CADM1: variants seen among roughly 807,000 people sequenced by gnomAD.
CADM1 encodes cell adhesion molecule 1.
A neutral mutation model predicts 53.1 loss-of-function variants in CADM1; 15 were observed. The ratio of observed to expected loss-of-function variants is 0.28; its 90% CI spans 0.19 to 0.44. The LOEUF is 0.44. Among genes scored for constraint, CADM1 ranks in the 20% least tolerant of loss-of-function variants. CADM1 has a pLI of 1.00. For missense variants in CADM1, 434 were observed against 611.3 expected (o/e 0.71, Z 3.06); for synonymous variants, 281 against 243.0 (o/e 1.16, Z -1.45).
At chr11:115,308,756 T>C (rs1053842251) in intron 1 of CADM1, among the ~76,000 whole-genome samples, 3 of 150,450 alleles carry the variant, frequency 2.0e-5, no homozygotes, top group African/African-American at 7.3e-5. Flanking sequence ...TTCCTTTCCT[T>C]TCCCTCTTTC....
chr11:115,355,580 A>G (rs1945845473), intron 1 of CADM1, among the ~76,000 whole-genome samples: 1 of 152,136 alleles, frequency 6.6e-6, no homozygotes, highest in African/African-American at 2.4e-5. Flanking sequence ...AAGTTTAACC[A>G]TATTACAAAC....
chr11:115,307,876 G>A (rs1284644095), intron 1 of CADM1, among the ~76,000 whole-genome samples: 1 of 151,688 alleles, frequency 6.6e-6, no homozygotes, highest in Admixed American at 6.6e-5. Context: ...CTATACCCTA[G>A]TGTTTGATAG....
At chr11:115,258,891 T>C (rs986449392) in intron 1 of CADM1, among the ~76,000 whole-genome samples, 3 of 152,196 alleles carry the variant, frequency 2.0e-5, no homozygotes, top group Non-Finnish European at 4.4e-5. Flanking sequence ...TAGATGATTG[T>C]AGCTCAAAGC....
At chr11:115,382,226 T>A (rs1157252060) in intron 1 of CADM1, among the ~76,000 whole-genome samples, 1 of 152,192 alleles carries the variant, frequency 6.6e-6, no homozygotes, top group African/African-American at 2.4e-5. Flanking sequence ...TGGCTAATAC[T>A]GATTTGCATG....
chr11:115,317,257 C>T (rs759709019), intron 1 of CADM1, among the ~76,000 whole-genome samples: 10 of 152,190 alleles, frequency 6.6e-5, no homozygotes, highest in Non-Finnish European at 1.2e-4. Context: ...AAAATCCAAC[C>T]GTGGACAGTC....
At chr11:115,195,576 C>CA (rs1372091422) in intron 9 of CADM1, among the ~76,000 whole-genome samples, 1 of 152,184 alleles carries the variant, frequency 6.6e-6, no homozygotes, top group Non-Finnish European at 1.5e-5. Context: ...ATCACCACAA[C>CA]AAACATCTCG....
chr11:115,474,813 G>A (rs949188726), intron 1 of CADM1, among the ~76,000 whole-genome samples: 11 of 151,906 alleles, frequency 7.2e-5, no homozygotes, highest in African/African-American at 1.7e-4. Context: ...AAACCTGCAC[G>A]TTGTGCACAT....
intron 1 of CADM1, among the ~76,000 whole-genome samples, chr11:115,329,442 C>G (rs957126398): frequency 6.6e-6 from 1 of 152,000 alleles, no homozygotes; most frequent in Non-Finnish European, 1.5e-5. Context: ...GTTCCCTGAC[C>G]CCCCTCACAA....
At chr11:115,413,637 C>T (rs1947512749) in intron 1 of CADM1, among the ~76,000 whole-genome samples, 1 of 102,586 alleles carries the variant, frequency 9.7e-6, no homozygotes, top group African/African-American at 3.2e-5. Context: ...GTGGCTCCAG[C>T]TCAGTTCTTT....
At chr11:115,354,120 A>G (rs1009455675) in intron 1 of CADM1, among the ~76,000 whole-genome samples, 2 of 152,218 alleles carry the variant, frequency 1.3e-5, no homozygotes, top group Non-Finnish European at 2.9e-5. Context: ...AAAACAGTTA[A>G]CAAGAATCTA....
intron 1 of CADM1, among the ~76,000 whole-genome samples, chr11:115,463,681 G>T (rs529859705): frequency 6.6e-6 from 1 of 152,248 alleles, no homozygotes; most frequent in South Asian, 2.1e-4. Flanking sequence ...ACCCAGTGGG[G>T]TTTCTACTTC....
At chr11:115,214,864 T>C (rs1457197146) in intron 6 of CADM1, 84 bp from the exon 7 acceptor site, 16 of 1,257,666 alleles carry the variant, frequency 1.3e-5, no homozygotes, top group Middle Eastern at 2.5e-4. Context: ...GGTGACACAA[T>C]TAATGAGGAC....
chr11:115,371,038 C>T (rs977705985), intron 1 of CADM1, among the ~76,000 whole-genome samples: 1 of 151,858 alleles, frequency 6.6e-6, no homozygotes, highest in African/African-American at 2.4e-5. Flanking sequence ...AGCAACAGAC[C>T]CATATTTCAA....
intron 1 of CADM1, among the ~76,000 whole-genome samples, chr11:115,242,088 G>A (rs1261378795): frequency 6.7e-6 from 1 of 150,292 alleles, no homozygotes; most frequent in Non-Finnish European, 1.5e-5. Context: ...TTAGAAAAGA[G>A]GAAACTAAAA....
At chr11:115,388,248 G>C (rs535613604) in intron 1 of CADM1, among the ~76,000 whole-genome samples, 3 of 152,102 alleles carry the variant, frequency 2.0e-5, no homozygotes, top group African/African-American at 7.2e-5. Context: ...AATGAGAGTG[G>C]GTGGGTGGAT....
At chr11:115,384,465 C>T (rs992828669) in intron 1 of CADM1, among the ~76,000 whole-genome samples, 1 of 152,164 alleles carries the variant, frequency 6.6e-6, no homozygotes, top group African/African-American at 2.4e-5. Flanking sequence ...TGTGATTTGG[C>T]AGTCGATTGG....
At chr11:115,188,889 T>C (rs573489642) in intron 10 of CADM1, among the ~76,000 whole-genome samples, 4 of 127,404 alleles carry the variant, frequency 3.1e-5, no homozygotes, top group Non-Finnish European at 5.5e-5. Flanking sequence ...AGCTGCTCAA[T>C]TTTTATTGGT....
intron 1 of CADM1, among the ~76,000 whole-genome samples, chr11:115,380,365 T>C (rs1056086594): frequency 7.9e-5 from 12 of 152,216 alleles, no homozygotes; most frequent in Middle Eastern, 3.2e-3. Flanking sequence ...AAAGTGCTAC[T>C]GTGTGCCATC....
chr11:115,273,822 G>A (rs1220184703), intron 1 of CADM1, among the ~76,000 whole-genome samples: 1 of 152,204 alleles, frequency 6.6e-6, no homozygotes, highest in African/African-American at 2.4e-5. Context: ...ATCGCCTGGA[G>A]AAAGAATGAG....
Sources: gnomAD v4.1 joint callset for allele counts (sites outside exome capture counted in the v4.1 genomes callset) on GRCh38, gnomAD v4.1.1 for gene constraint, MANE v1.5 for transcripts, NCBI Gene and HGNC (gene_info 2026-07-23, HGNC 2026-07-21) for gene names.